CHRM3: variants seen among roughly 807,000 people sequenced by gnomAD.
CHRM3 encodes the protein muscarinic acetylcholine receptor M3.
Under a neutral mutation model 41.8 loss-of-function variants are expected in CHRM3, and 11 were observed. The observed-to-expected ratio is 0.26, with a 90% confidence interval of 0.17 to 0.44. CHRM3 has a LOEUF of 0.44. Ranked by LOEUF, CHRM3 falls within the 20% of genes least tolerant of loss-of-function variation. The probability of loss-of-function intolerance (pLI) is 1.00; values close to 1 mark genes in which losing one functional copy is unlikely to be tolerated. For missense variants in CHRM3, 571 were observed against 745.4 expected, an observed-to-expected ratio of 0.77 and a Z score of 2.72; for synonymous variants, 297 against 301.4, an observed-to-expected ratio of 0.99 and a Z score of 0.15.
chr1:239,464,141 G>C (rs1665554468), intron 1 of CHRM3, among the ~76,000 whole-genome samples: 1 of 151,938 alleles, frequency 6.6e-6, no homozygotes, highest in Admixed American at 6.6e-5. Context: ...TTAGCCAGGT[G>C]TGGTGATGCA....
chr1:239,904,259 G>A (rs1409772895), intron 6 of CHRM3, among the ~76,000 whole-genome samples: 2 of 152,088 alleles, frequency 1.3e-5, no homozygotes, highest in East Asian at 1.9e-4. Flanking sequence ...ACACAGGCCC[G>A]GTGCTGGAAA....
chr1:239,894,005 G>T (rs1311344382), intron 6 of CHRM3, among the ~76,000 whole-genome samples: 1 of 151,912 alleles, frequency 6.6e-6, no homozygotes, highest in Non-Finnish European at 1.5e-5. Context: ...GTTTTTAAGG[G>T]TCTTTTGCTC....
intron 1 of CHRM3, among the ~76,000 whole-genome samples, chr1:239,416,642 A>C (rs1661524457): frequency 6.6e-6 from 1 of 152,222 alleles, no homozygotes; most frequent in African/African-American, 2.4e-5. Flanking sequence ...GAAAAGGTTT[A>C]AGTTAAAGAA....
At chr1:239,552,658 T>TATTATC (rs1659985384) in intron 3 of CHRM3, among the ~76,000 whole-genome samples, 1 of 146,516 alleles carries the variant, frequency 6.8e-6, no homozygotes, top group Admixed American at 6.9e-5. Flanking sequence ...TTATTATTAT[T>TATTATC]ATTAATTATT....
intron 1 of CHRM3, among the ~76,000 whole-genome samples, chr1:239,484,840 A>G (rs10802771): frequency 0.55 from 83,844 of 151,970 alleles, 23,576 homozygotes; most frequent in Middle Eastern, 0.64. Context: ...ATCCTTGGGC[A>G]GCTGTGCTCT....
At chr1:239,876,980 A>G (rs775530696) in intron 6 of CHRM3, among the ~76,000 whole-genome samples, 3 of 152,240 alleles carry the variant, frequency 2.0e-5, no homozygotes, top group Non-Finnish European at 2.9e-5. Context: ...CATAGTTGGT[A>G]TCTTCAACAG....
At position 239,811,835 on chromosome 1, in the gene CHRM3, G is replaced by A. The variant is rs112474588; in HGVS notation, c.-146-15417G>A. On this transcript the variant is annotated intron_variant, in intron 5 of 6. Coordinates refer to ENST00000676153, the MANE Select transcript of CHRM3 (RefSeq NM_001375978.1). ...ATTACTTTAAGCAGCACAGTTTGAGGATGTTTTAAAGCCTTTAAAAAAAAA... is the reference window on the plus strand; with the variant it reads ...ATTACTTTAAGCAGCACAGTTTGAGAATGTTTTAAAGCCTTTAAAAAAAAA... Among the ~76,000 whole-genome samples the A allele has an allele frequency of 3.3e-4, 50 of 152,100 alleles. No homozygotes were observed. The South Asian group carries it at 6.4e-3, about 20-fold the overall frequency.
intron 3 of CHRM3, among the ~76,000 whole-genome samples, chr1:239,549,504 A>C: frequency 6.6e-6 from 1 of 150,704 alleles, no homozygotes; most frequent in African/African-American, 2.4e-5. Flanking sequence ...ACAAAAAAAA[A>C]AAAAAAAATA....
rs1389627331 is a variant in CHRM3, at chr1:239,910,823, G to A, written c.*1599G>A. 6.0e-6 allele frequency: 1 copy of A among 167,010 alleles called. No individual in the cohort carries two copies. The highest frequency in any genetic ancestry group is 6.6e-5 in the Admixed American group (1 of 15,242). 10.3% of individuals were successfully genotyped at this position (167,010 alleles called of 1,614,324 possible). A position where few individuals can be genotyped will look rare whatever the true frequency, so the allele number is the denominator to read the frequency against. On this transcript the variant is annotated 3_prime_UTR_variant, in exon 7 of 7. Transcript: ENST00000676153. ...CGTGTTGTGAACCCAGAGCTGGGTA[G>A]AAGCTGCTTTTGTATTCAGTGTGAG...
intron 6 of CHRM3, among the ~76,000 whole-genome samples, chr1:239,867,264 C>T (rs748640125): frequency 2.6e-5 from 4 of 152,280 alleles, no homozygotes; most frequent in East Asian, 1.9e-4. Flanking sequence ...CTGAGGACGG[C>T]GAAGCTTGTA....
chr1:239,422,114 G>A (rs186907397), intron 1 of CHRM3, among the ~76,000 whole-genome samples: 6 of 152,298 alleles, frequency 3.9e-5, no homozygotes, highest in African/African-American at 1.4e-4. Context: ...AAAAGGGAAA[G>A]TTTATCTTTC....
chr1:239,855,984 G>A (rs1037584213), intron 6 of CHRM3, among the ~76,000 whole-genome samples: 4 of 152,220 alleles, frequency 2.6e-5, no homozygotes, highest in Admixed American at 1.3e-4. Context: ...AGGAGGGATC[G>A]TTCCAGGTGA....
At chr1:239,768,502 T>G (rs56093612) in intron 5 of CHRM3, among the ~76,000 whole-genome samples, 2 of 10,888 alleles carry the variant, frequency 1.8e-4, no homozygotes, top group Non-Finnish European at 4.7e-4. Context: ...ATAAACATGG[T>G]GAAAATTAAA....
intron 3 of CHRM3, among the ~76,000 whole-genome samples, chr1:239,590,015 A>C (rs1221453508): frequency 2.0e-5 from 3 of 152,048 alleles, no homozygotes; most frequent in Non-Finnish European, 4.4e-5. Context: ...CTTTATTTAT[A>C]TTTCTCTCTG....
chr1:239,473,263 GA>G (rs200627399), intron 1 of CHRM3, among the ~76,000 whole-genome samples: 16,394 of 80,346 alleles, frequency 0.2, 1,483 homozygotes, highest in African/African-American at 0.38. Context: ...AAGCATATTT[GA>G]AAAAAAAAAA....
chr1:239,809,386 T>G (rs1045276194), intron 5 of CHRM3, among the ~76,000 whole-genome samples: 4 of 152,132 alleles, frequency 2.6e-5, no homozygotes, highest in Non-Finnish European at 4.4e-5. Flanking sequence ...ATTCCAGCAG[T>G]GAACCCAATG....
At chr1:239,690,535 T>C (rs1035707910) in intron 5 of CHRM3, among the ~76,000 whole-genome samples, 2 of 151,960 alleles carry the variant, frequency 1.3e-5, no homozygotes, top group African/African-American at 4.8e-5. Context: ...GGCCCTGAAA[T>C]TTCTAAATGA....
At chr1:239,679,576 G>C (rs905091250) in intron 5 of CHRM3, among the ~76,000 whole-genome samples, 12 of 152,122 alleles carry the variant, frequency 7.9e-5, no homozygotes, top group African/African-American at 2.9e-4. Flanking sequence ...GTAATTAACA[G>C]ATGTGTTTCT....
At chr1:239,499,255 A>G (rs1668072314) in intron 2 of CHRM3, among the ~76,000 whole-genome samples, 1 of 152,138 alleles carries the variant, frequency 6.6e-6, no homozygotes, top group African/African-American at 2.4e-5. Flanking sequence ...GGTACAGAGA[A>G]AGGAATGTTA....
Sources: allele counts gnomAD v4.1 joint callset (sites outside exome capture counted in the v4.1 genomes callset), GRCh38; gene constraint gnomAD v4.1.1; transcripts MANE v1.5; gene names NCBI Gene and HGNC (gene_info 2026-07-23, HGNC 2026-07-21).